The following LRMDA variants were observed in gnomAD, a reference collection of about 807,000 sequenced individuals.
LRMDA encodes leucine-rich melanocyte differentiation-associated protein.
In LRMDA, 18 loss-of-function variants were observed where a neutral mutation model predicts 29.8. The observed-to-expected ratio is 0.60, with a 90% CI of 0.42 to 0.90. The LOEUF is 0.90. LRMDA is among the 40% of genes least tolerant of loss of function. The pLI is 0.00. For missense variants in LRMDA, 273 were observed against 273.9 expected (o/e 1.00, Z 0.02); for synonymous variants, 125 against 109.4 (o/e 1.14, Z -0.89).
chr10:76,055,096 AAAAAG>A (rs1291723979), intron 4 of LRMDA, among the ~76,000 whole-genome samples: 17 of 141,728 alleles, frequency 1.2e-4, no homozygotes, highest in African/African-American at 4.6e-4. Flanking sequence ...AAAAAAAAAG[AAAAAG>A]AAAAGAAAGA....
At chr10:75,742,988 A>AGAAGGCGT (rs1396382512) in intron 2 of LRMDA, 1 of 152,216 alleles carries the variant, frequency 6.6e-6, no homozygotes, top group Non-Finnish European at 1.5e-5. Context: ...TTGAAAATTG[A>AGAAGGCGT]GAAGGCGTTT....
At chr10:76,439,537 A>C (rs1482461498) in intron 6 of LRMDA, among the ~76,000 whole-genome samples, 1 of 152,160 alleles carries the variant, frequency 6.6e-6, no homozygotes, top group East Asian at 1.9e-4. Flanking sequence ...AACACAAAGG[A>C]AAGGTGTTGT....
intron 2 of LRMDA, among the ~76,000 whole-genome samples, chr10:75,645,923 CTCTA>C (rs1437150097): frequency 1.4e-5 from 2 of 138,652 alleles, no homozygotes; most frequent in South Asian, 2.5e-4. Context: ...TTCTTTGTCT[CTCTA>C]TCTTTGTCTC....
At chr10:75,668,611 C>G (rs1181386737) in intron 2 of LRMDA, among the ~76,000 whole-genome samples, 1 of 152,258 alleles carries the variant, frequency 6.6e-6, no homozygotes, top group East Asian at 1.9e-4. Flanking sequence ...AGCACTGTCT[C>G]ACATAGAGTT....
intron 2 of LRMDA, among the ~76,000 whole-genome samples, chr10:75,559,915 A>G (rs1425481219): frequency 8.1e-6 from 1 of 122,902 alleles, no homozygotes; most frequent in African/African-American, 2.6e-5. Flanking sequence ...TACCAGTACC[A>G]TGCTGTTTTG....
At chr10:76,513,385 A>C (rs183438145) in intron 6 of LRMDA, among the ~76,000 whole-genome samples, 42 of 152,278 alleles carry the variant, frequency 2.8e-4, no homozygotes, top group Admixed American at 2.7e-3. Flanking sequence ...TCTCTGTTTT[A>C]GTTTCCCCCA....
At chr10:75,741,807 T>C (rs1305859358) in intron 2 of LRMDA, among the ~76,000 whole-genome samples, 1 of 152,206 alleles carries the variant, frequency 6.6e-6, no homozygotes, top group Non-Finnish European at 1.5e-5. Context: ...TATTTGTTTA[T>C]GTCCCCCAAA....
At chr10:76,320,784 T>C (rs372377259) in intron 5 of LRMDA, among the ~76,000 whole-genome samples, 41 of 152,364 alleles carry the variant, frequency 2.7e-4, no homozygotes, top group African/African-American at 9.6e-4. Flanking sequence ...CTGAAGTTCC[T>C]TTCTCTCCAC....
intron 2 of LRMDA, among the ~76,000 whole-genome samples, chr10:75,707,534 C>A (rs747238014): frequency 6.6e-6 from 1 of 152,158 alleles, no homozygotes; most frequent in Admixed American, 6.5e-5. Flanking sequence ...AGCCGGTGAC[C>A]GAGGATGCTG....
intron 5 of LRMDA, among the ~76,000 whole-genome samples, chr10:76,212,030 A>G (rs986754966): frequency 6.6e-5 from 10 of 152,214 alleles, no homozygotes; most frequent in South Asian, 2.1e-4. Flanking sequence ...AAAGGAACCA[A>G]TTCACTAGCT....
chr10:76,363,699 C>T (rs1373906726), intron 6 of LRMDA, among the ~76,000 whole-genome samples: 3 of 149,998 alleles, frequency 2.0e-5, no homozygotes, highest in Non-Finnish European at 3.0e-5. Context: ...TTTCTAGTTT[C>T]TTGGTATAAC....
intron 6 of LRMDA, among the ~76,000 whole-genome samples, chr10:76,439,567 T>A (rs1277944553): frequency 6.6e-6 from 1 of 152,186 alleles, no homozygotes; most frequent in African/African-American, 2.4e-5. Flanking sequence ...TTAGAAAGAA[T>A]TCAGTGAGCT....
intron 2 of LRMDA, among the ~76,000 whole-genome samples, chr10:75,863,371 G>T (rs1324436526): frequency 6.6e-6 from 1 of 152,204 alleles, no homozygotes; most frequent in Non-Finnish European, 1.5e-5. Context: ...ATTTTAGATG[G>T]TGGAGCATTC....
At chr10:76,273,962 CTTTTTTTAGACAGAGCAGGATTTACT>C (rs1488208580) in intron 5 of LRMDA, among the ~76,000 whole-genome samples, 21 of 152,118 alleles carry the variant, frequency 1.4e-4, no homozygotes, top group African/African-American at 4.8e-4. Context: ...TACATACTAC[CTTTTTTTAGACAGAGCAGGATTTACT>C]TTTTTTTAGA....
chr10:76,440,734 A>G (rs1842293501), intron 6 of LRMDA, among the ~76,000 whole-genome samples: 1 of 152,140 alleles, frequency 6.6e-6, no homozygotes, highest in Non-Finnish European at 1.5e-5. Flanking sequence ...TGGATATTAG[A>G]CTGCTCAACT....
chr10:76,285,196 T>C (rs1229170075), intron 5 of LRMDA, among the ~76,000 whole-genome samples: 1 of 152,198 alleles, frequency 6.6e-6, no homozygotes, highest in African/African-American at 2.4e-5. Context: ...CTTCATCCTA[T>C]TTCCAGGATA....
chr10:75,556,709 A>C (rs988153809), intron 2 of LRMDA, among the ~76,000 whole-genome samples: 1 of 87,812 alleles, frequency 1.1e-5, no homozygotes, highest in Non-Finnish European at 3.2e-5. Context: ...ATGACACCTG[A>C]AGCATAAGGG....
intron 6 of LRMDA, among the ~76,000 whole-genome samples, chr10:76,331,334 C>T (rs1840902470): frequency 6.6e-6 from 1 of 152,146 alleles, no homozygotes. Context: ...GAGCCTTTGC[C>T]ACATAGGTCT....
chr10:76,236,661 A>G (rs974264062), intron 5 of LRMDA, among the ~76,000 whole-genome samples: 2 of 152,132 alleles, frequency 1.3e-5, no homozygotes, highest in African/African-American at 4.8e-5. Flanking sequence ...CCTATGACCA[A>G]ACTTCTTTTT....
Sources: allele counts gnomAD v4.1 joint callset (sites outside exome capture counted in the v4.1 genomes callset), GRCh38; gene constraint gnomAD v4.1.1; transcripts MANE v1.5; gene names NCBI Gene and HGNC (gene_info 2026-07-23, HGNC 2026-07-21).